The following NEK11 variants were observed in gnomAD, a reference collection of about 807,000 sequenced individuals.
The protein encoded by NEK11 is NIMA related kinase 11.
Under a neutral mutation model 80.7 loss-of-function variants are expected in NEK11, and 72 were observed. The observed-to-expected ratio is 0.89, with a 90% confidence interval of 0.74 to 1.08. The LOEUF is 1.08. Ranked by LOEUF, NEK11 falls within the 50% of genes least tolerant of loss-of-function variation. NEK11 has a pLI of 0.00. For missense variants in NEK11, 764 were observed against 763.6 expected, an observed-to-expected ratio of 1.00 and a Z score of -0.01; for synonymous variants, 251 against 260.7, an observed-to-expected ratio of 0.96 and a Z score of 0.36.
chr3:131,267,037 C>T (rs1040481988), intron 16 of NEK11, among the ~76,000 whole-genome samples: 1 of 152,054 alleles, frequency 6.6e-6, no homozygotes, highest in Non-Finnish European at 1.5e-5. Flanking sequence ...TTTCCATTTG[C>T]TTGGTAAATA....
At chr3:131,099,902 T>C (rs2078105803) in intron 4 of NEK11, among the ~76,000 whole-genome samples, 1 of 152,222 alleles carries the variant, frequency 6.6e-6, no homozygotes, top group Non-Finnish European at 1.5e-5. Context: ...AATAGAATCA[T>C]ACTGTCAGCA....
intron 14 of NEK11, among the ~76,000 whole-genome samples, chr3:131,191,318 A>C (rs1201241617): frequency 6.6e-6 from 1 of 152,164 alleles, no homozygotes; most frequent in Non-Finnish European, 1.5e-5. Context: ...ACTGGCCTGC[A>C]TTCCTTCTGG....
chr3:131,067,107 C>G (rs2072179003), intron 3 of NEK11, among the ~76,000 whole-genome samples: 1 of 152,090 alleles, frequency 6.6e-6, no homozygotes, highest in African/African-American at 2.4e-5. Flanking sequence ...TATCTCATAT[C>G]TTGGTCTTTG....
chr3:131,339,013 A>G (rs2097243799), intron 17 of NEK11, among the ~76,000 whole-genome samples: 1 of 152,040 alleles, frequency 6.6e-6, no homozygotes, highest in Non-Finnish European at 1.5e-5. Context: ...AAAAATATAT[A>G]AAAAATAAAA....
At chr3:131,120,404 G>A (rs140913067) in intron 5 of NEK11, among the ~76,000 whole-genome samples, 2,156 of 152,184 alleles carry the variant, frequency 0.014, 27 homozygotes, top group East Asian at 0.08. Context: ...CTCTGGCTGC[G>A]CTTAACATTT....
rs2096999865 is a variant in NEK11, at chr3:131,327,968, G to A, written c.1719-21589G>A. Among the ~76,000 whole-genome samples, 3 of 152,252 alleles carry A rather than the reference G, an allele frequency of 2.0e-5. No individual in the cohort carries two copies. In the South Asian group the frequency reaches 6.2e-4, roughly 32 times the overall value. On this transcript the variant is annotated intron_variant, in intron 17 of 17. Transcript: ENST00000383366. ...CTTGTGGCTACATCTGCAGCATGTG[G>A]CACATACTAAGTGCTCATTAAAAAT...
intron 4 of NEK11, among the ~76,000 whole-genome samples, chr3:131,086,630 C>T (rs760846114): frequency 6.6e-6 from 1 of 152,118 alleles, no homozygotes; most frequent in Non-Finnish European, 1.5e-5. Flanking sequence ...CTTATTAATT[C>T]CATTTTACAG....
intron 15 of NEK11, among the ~76,000 whole-genome samples, chr3:131,230,569 TGCCAA>T: frequency 6.6e-6 from 1 of 152,200 alleles, no homozygotes; most frequent in South Asian, 2.1e-4. Context: ...TTTATGATAC[TGCCAA>T]AACTCCTTAA....
rs369168699 is a variant in NEK11 at position 131,029,681 on chromosome 3, A to C, written c.-28A>C. The C allele has an allele frequency of 6.2e-7, 1 of 1,604,984 alleles. No homozygotes were observed. On this transcript the variant is annotated 5_prime_UTR_variant, in exon 3 of 18. An upstream start codon of the reference 5' UTR is lost. Transcript: ENST00000383366. Reference sequence around the variant, plus strand: ...TGGAATGTTAAGTTTCTATAAATGAATGAACCAGTTCTCTCTTGTTTGGAG... The same window carrying C: ...TGGAATGTTAAGTTTCTATAAATGACTGAACCAGTTCTCTCTTGTTTGGAG...
intron 16 of NEK11, among the ~76,000 whole-genome samples, chr3:131,270,638 A>C (rs557899101): frequency 6.6e-6 from 1 of 152,310 alleles, no homozygotes; most frequent in Admixed American, 6.5e-5. Context: ...AATAAGAAAC[A>C]CTGAAAAAGG....
At chr3:131,133,745 A>G in intron 6 of NEK11, 85 bp from the exon 7 acceptor site, 3 of 1,036,556 alleles carry the variant, frequency 2.9e-6, no homozygotes, top group Admixed American at 2.0e-5. Flanking sequence ...AAAATGGTCA[A>G]ATTAGGCACT....
chr3:131,342,992 A>G (rs2110428918), intron 17 of NEK11, among the ~76,000 whole-genome samples: 1 of 152,294 alleles, frequency 6.6e-6, no homozygotes, highest in East Asian at 1.9e-4. Flanking sequence ...TACCATAGTG[A>G]GAGTAGTTTC....
chr3:131,287,103 G>T (rs1561380526), intron 17 of NEK11, among the ~76,000 whole-genome samples: 15 of 152,188 alleles, frequency 9.9e-5, no homozygotes. Context: ...ATGGAAGCTG[G>T]ACTGCAGGGA....
intron 16 of NEK11, among the ~76,000 whole-genome samples, chr3:131,264,109 A>G (rs111710728): frequency 1.5e-4 from 23 of 152,202 alleles, no homozygotes; most frequent in African/African-American, 5.5e-4. Flanking sequence ...GATTCTAGAT[A>G]TTAGCCCTTT....
intron 12 of NEK11, among the ~76,000 whole-genome samples, chr3:131,168,560 T>G (rs948369577): frequency 5.3e-5 from 8 of 151,170 alleles, no homozygotes; most frequent in East Asian, 2.0e-4. Flanking sequence ...GTTTCACCGT[T>G]TTAGCCAGGA....
chr3:131,258,827 CT>C (rs2095862456), intron 16 of NEK11, among the ~76,000 whole-genome samples: 2 of 152,174 alleles, frequency 1.3e-5, no homozygotes, highest in Admixed American at 1.3e-4. Flanking sequence ...AGCAAGTTTG[CT>C]TTTCCCAAGT....
intron 3 of NEK11, among the ~76,000 whole-genome samples, chr3:131,076,128 G>A (rs1295678441): frequency 6.6e-6 from 1 of 152,170 alleles, no homozygotes; most frequent in Non-Finnish European, 1.5e-5. Context: ...GAGTCATAGG[G>A]TTGGTTTGTC....
At chr3:131,308,744 A>G (rs1020467677) in intron 17 of NEK11, among the ~76,000 whole-genome samples, 12 of 152,082 alleles carry the variant, frequency 7.9e-5, no homozygotes, top group Non-Finnish European at 1.3e-4. Flanking sequence ...TGTAATTGCC[A>G]TTGGATGATT....
At chr3:131,102,367 T>G (rs578156948) in intron 4 of NEK11, among the ~76,000 whole-genome samples, 3 of 152,348 alleles carry the variant, frequency 2.0e-5, no homozygotes, top group South Asian at 4.1e-4. Flanking sequence ...GTGAGGCTGG[T>G]CTAGTTAAAA....
Sources: gnomAD v4.1 joint callset for allele counts (sites outside exome capture counted in the v4.1 genomes callset) on GRCh38, gnomAD v4.1.1 for gene constraint, MANE v1.5 for transcripts, NCBI Gene and HGNC (gene_info 2026-07-23, HGNC 2026-07-21) for gene names.